ATP9B: variants seen among roughly 807,000 people sequenced by gnomAD.
ATP9B encodes probable phospholipid-transporting ATPase IIB.
Under a neutral mutation model 146.1 loss-of-function variants are expected in ATP9B, and 110 were observed. The ratio of observed to expected loss-of-function variants is 0.75; its 90% CI spans 0.65 to 0.88. ATP9B has a LOEUF of 0.88. Ranked by LOEUF, ATP9B falls within the 40% of genes least tolerant of loss-of-function variation. The pLI is 0.00. For synonymous variants in ATP9B, 604 were observed against 569.7 expected (o/e 1.06, Z -0.86); for missense variants, 1,499 against 1,496.4 (o/e 1.00, Z -0.03).
At chr18:79,193,401 G>A (rs1022423134) in intron 9 of ATP9B, 138 bp downstream of exon 9, 1 of 724,578 alleles carries the variant, frequency 1.4e-6, no homozygotes, top group African/African-American at 1.8e-5. Flanking sequence ...TATAATGTTT[G>A]AAGTTCTTAA....
intron 1 of ATP9B, among the ~76,000 whole-genome samples, chr18:79,077,753 C>A (rs2072783753): frequency 6.6e-6 from 1 of 152,164 alleles, no homozygotes; most frequent in Non-Finnish European, 1.5e-5. Context: ...CCAAACTGAG[C>A]CAGCATAAGA....
At chr18:79,324,947 T>G (rs1170134841) in intron 15 of ATP9B, among the ~76,000 whole-genome samples, 1 of 152,202 alleles carries the variant, frequency 6.6e-6, no homozygotes, top group Non-Finnish European at 1.5e-5. Context: ...GAAAGCAGGT[T>G]TTGAAGTGTG....
At chr18:79,338,283 C>A (rs367957736) in intron 19 of ATP9B, among the ~76,000 whole-genome samples, 373 of 152,348 alleles carry the variant, frequency 2.4e-3, no homozygotes, top group African/African-American at 8.8e-3. Flanking sequence ...CCCAGAGACG[C>A]CTGGACGTAC....
chr18:79,073,113 C>T (rs1331927287), intron 1 of ATP9B, among the ~76,000 whole-genome samples: 4 of 151,974 alleles, frequency 2.6e-5, no homozygotes, highest in Non-Finnish European at 5.9e-5. Context: ...GATGGGGTGG[C>T]GGCCGGGAAG....
chr18:79,372,876 T>TA lies in ATP9B; in HGVS notation c.3065dup (p.Tyr1022Ter). ...CCTCATCTGGGTTTTAATAAGTATTTACCAAGGTAAGACGAGATCCTTAGT... is the reference window on the plus strand; with the variant it reads ...CCTCATCTGGGTTTTAATAAGTATTTAACCAAGGTAAGACGAGATCCTTAGT... ...TFLIWVLISI[Y>*]QGGILMYGAL... The change falls in exon 27 of 30, where the codon TAC becomes TAAC. Residue 1022 changes from tyrosine to a stop codon, truncating the protein, a stop_gained and frameshift_variant. Coordinates refer to ENST00000426216, the MANE Select transcript of ATP9B (RefSeq NM_198531.5). LOFTEE classifies it high-confidence loss of function. The TA allele has an allele frequency of 6.2e-7, 1 of 1,606,660 alleles. No homozygotes were observed. Among genetic ancestry groups the TA allele is most frequent in the Non-Finnish European group, 8.5e-7 (1 of 1,173,204 alleles).
chr18:79,304,248 C>T (rs533627704), intron 14 of ATP9B, among the ~76,000 whole-genome samples: 33 of 152,162 alleles, frequency 2.2e-4, no homozygotes, highest in African/African-American at 7.5e-4. Flanking sequence ...TCAAATATCA[C>T]ATTCTTTCAT....
At chr18:79,208,134 A>G (rs2095551969) in intron 10 of ATP9B, among the ~76,000 whole-genome samples, 1 of 151,898 alleles carries the variant, frequency 6.6e-6, no homozygotes, top group African/African-American at 2.4e-5. Flanking sequence ...AGTCCCAGCT[A>G]CTCGGGGGGC....
At chr18:79,200,575 A>G (rs1290276558) in intron 9 of ATP9B, among the ~76,000 whole-genome samples, 1 of 152,228 alleles carries the variant, frequency 6.6e-6, no homozygotes, top group Non-Finnish European at 1.5e-5. Flanking sequence ...AAAAAAAGGC[A>G]ACTCATAAAA....
intron 11 of ATP9B, among the ~76,000 whole-genome samples, chr18:79,223,126 A>G (rs1031236372): frequency 6.6e-6 from 1 of 152,216 alleles, no homozygotes; most frequent in African/African-American, 2.4e-5. Context: ...GACATGAGCC[A>G]TTATGAGAAT....
At chr18:79,299,223 T>G (rs990000621) in intron 13 of ATP9B, among the ~76,000 whole-genome samples, 1 of 152,028 alleles carries the variant, frequency 6.6e-6, no homozygotes, top group African/African-American at 2.4e-5. Context: ...AGCCTGGCTC[T>G]GCATGCCCTC....
intron 13 of ATP9B, among the ~76,000 whole-genome samples, chr18:79,293,612 T>C (rs551795733): frequency 3.8e-4 from 58 of 152,314 alleles, no homozygotes; most frequent in African/African-American, 1.1e-3. Context: ...GCCTCGGACT[T>C]TCCAGCCTCC....
In ATP9B at chr18:79,153,560, A is replaced by C. The variant is rs1599953991; in HGVS notation, c.727-944A>C. On this transcript the variant is annotated intron_variant, in intron 6 of 29. Transcript: ENST00000426216. Reference sequence around the variant, plus strand: ...CCATTTAGTCTAATAGGGAGGACATAATTTTTTATAAGGCAATACCTGCTG... The same window carrying C: ...CCATTTAGTCTAATAGGGAGGACATCATTTTTTATAAGGCAATACCTGCTG... 2.6e-5 allele frequency among the ~76,000 whole-genome samples: 4 copies of C among 152,262 alleles called. No individual in the cohort carries two copies. The South Asian group carries it at 8.3e-4, about 32-fold the overall frequency.
In ATP9B at chr18:79,069,398, G is replaced by A; in HGVS notation, c.-13G>A. Reference sequence around the variant, plus strand: ...GGGGAAAGTGGGAGGGGCGGGAAAGGGGCGGTCGGAACATGGCGGACCAGA... The same window carrying A: ...GGGGAAAGTGGGAGGGGCGGGAAAGAGGCGGTCGGAACATGGCGGACCAGA... On this transcript the variant is annotated 5_prime_UTR_variant, in exon 1 of 30. Coordinates refer to ENST00000426216, the MANE Select transcript of ATP9B (RefSeq NM_198531.5). 1.3e-6 allele frequency: 2 copies of A among 1,491,030 alleles called. No individual in the cohort carries two copies. The highest frequency in any genetic ancestry group is 1.8e-6 in the Non-Finnish European group (2 of 1,120,052). 92.4% of individuals were successfully genotyped at this position (1,491,030 alleles called of 1,614,324 possible). A position where few individuals can be genotyped will look rare whatever the true frequency, so the allele number is the denominator to read the frequency against.
chr18:79,225,114 A>G (rs1203812941), intron 11 of ATP9B, among the ~76,000 whole-genome samples: 1 of 152,170 alleles, frequency 6.6e-6, no homozygotes, highest in Non-Finnish European at 1.5e-5. Flanking sequence ...CTCTACAGTT[A>G]TCTTTATCTA....
intron 1 of ATP9B, among the ~76,000 whole-genome samples, chr18:79,088,913 C>T (rs181110120): frequency 3.2e-4 from 49 of 152,302 alleles, no homozygotes; most frequent in African/African-American, 1.1e-3. Flanking sequence ...TTCAATGCAT[C>T]GTCACAAATT....
chr18:79,300,236 A>G (rs1416008139), intron 13 of ATP9B, among the ~76,000 whole-genome samples: 1 of 152,162 alleles, frequency 6.6e-6, no homozygotes, highest in Non-Finnish European at 1.5e-5. Flanking sequence ...GAGGTAGTTG[A>G]ATCCAGAAAG....
chr18:79,333,353 G>A (rs887559685), intron 17 of ATP9B, among the ~76,000 whole-genome samples: 1 of 152,154 alleles, frequency 6.6e-6, no homozygotes, highest in Non-Finnish European at 1.5e-5. Flanking sequence ...CCTTCCTTAG[G>A]GACACTGTCA....
intron 1 of ATP9B, among the ~76,000 whole-genome samples, chr18:79,092,653 T>G (rs1408672557): frequency 2.0e-5 from 3 of 150,728 alleles, no homozygotes; most frequent in Non-Finnish European, 4.4e-5. Context: ...TTTTTTTTTT[T>G]TTTTTTGGTT....
chr18:79,200,564 A>G (rs2095459835), intron 9 of ATP9B, among the ~76,000 whole-genome samples: 1 of 152,198 alleles, frequency 6.6e-6, no homozygotes, highest in Non-Finnish European at 1.5e-5. Context: ...AAAGCTTAGG[A>G]AAAAAAAGGC....
Sources: allele counts gnomAD v4.1 joint callset (sites outside exome capture counted in the v4.1 genomes callset), GRCh38; gene constraint gnomAD v4.1.1; transcripts MANE v1.5; gene names NCBI Gene and HGNC (gene_info 2026-07-23, HGNC 2026-07-21).